The following AGAP2 variants were observed in gnomAD, a reference collection of about 807,000 sequenced individuals.
AGAP2 encodes ArfGAP with GTPase domain, ankyrin repeat and PH domain 2.
AGAP2 carries 32 observed loss-of-function variants against 110.9 expected under a neutral mutation model. The observed-to-expected ratio is 0.29, with a 90% CI of 0.22 to 0.39. The LOEUF (loss-of-function observed/expected upper bound fraction) is 0.39. Ranked by LOEUF, AGAP2 falls within the 10% of genes least tolerant of loss-of-function variation. AGAP2 has a pLI of 1.00. For missense variants in AGAP2, 1,285 were observed against 1,638.5 expected, an observed-to-expected ratio of 0.78 and a Z score of 3.72; for synonymous variants, 702 against 713.0, an observed-to-expected ratio of 0.98 and a Z score of 0.25.
At chr12:57,729,789 G>A (rs1312226822) in intron 12 of AGAP2, 22 bp from the exon 13 acceptor site, 1 of 1,585,652 alleles carries the variant, frequency 6.3e-7, no homozygotes, top group Admixed American at 1.8e-5. Context: ...AGACACAGCT[G>A]CCTCAGTAGC....
upstream of AGAP2, chr12:57,742,070 A>T: frequency 6.2e-7 from 1 of 1,613,906 alleles, no homozygotes; most frequent in Non-Finnish European, 8.5e-7. Flanking sequence ...CTGGGCATGC[A>T]TGTTGCCCAG....
chr12:57,741,145 G>A (rs751854616), upstream of AGAP2, among the ~76,000 whole-genome samples: 1 of 152,212 alleles, frequency 6.6e-6, no homozygotes, highest in East Asian at 1.9e-4. Flanking sequence ...CTTGTGGATG[G>A]AGAGAAGCTG....
chr12:57,731,108 G>A (rs1954876876), intron 10 of AGAP2, among the ~76,000 whole-genome samples, 155 bp from the exon 11 acceptor site: 1 of 152,156 alleles, frequency 6.6e-6, no homozygotes, highest in South Asian at 2.1e-4. Flanking sequence ...CATCAGACTT[G>A]GCCCAGCAAT....
Position 57,730,861 on chromosome 12 carries a change from G to A in AGAP2, c.2238C>T (p.Ala746=), listed in dbSNP as rs1013532515. Residue 746 remains alanine (A), a synonymous_variant, in exon 11 of 19, where the codon GCC becomes GCT. Coordinates refer to ENST00000547588, the MANE Select transcript of AGAP2 (RefSeq NM_001122772.3). ...PGKRPPRAIS[A]FGPSASINGL... The stretch of plus-strand genomic sequence containing the variant: ...CGTTAATGCTGGCTGAGGGGCCAAA[G>A]GCAGAGATGGCCCTCGGGGGCCGCT... 6.8e-6 allele frequency: 11 copies of A among 1,613,448 alleles called. No homozygotes were observed. In the African/African-American group the frequency reaches 1.1e-4, roughly 16 times the overall value.
In AGAP2 at chr12:57,726,828, C is replaced by G; in HGVS notation, c.3337-34G>C. On this transcript the variant is annotated intron_variant, in intron 18 of 18. Transcript: ENST00000547588. This position sits in a 1 kb window ranked among gnomAD's most constrained non-coding sequence, Gnocchi z 5.7. ...CGGAAACGGCCGCGTGACCGCGCGT[C>G]CCCAGGGCGCCCACACCCGGCGCCG... is the stretch of plus-strand genomic sequence containing the variant. The G allele has an allele frequency of 1.4e-6, 2 of 1,432,418 alleles. No individual in the cohort carries two copies. The highest frequency in any genetic ancestry group is 1.8e-6 in the Non-Finnish European group (2 of 1,098,170). 88.7% of individuals were successfully genotyped at this position (1,432,418 alleles called of 1,614,324 possible).
chr12:57,741,044 G>T (rs1215966126), upstream of AGAP2, among the ~76,000 whole-genome samples: 1 of 152,252 alleles, frequency 6.6e-6, no homozygotes, highest in Non-Finnish European at 1.5e-5. Context: ...AAAGAAGGCT[G>T]CTTTTGTTAG....
upstream of AGAP2, chr12:57,741,799 C>A (rs567613143): frequency 4.0e-6 from 5 of 1,248,586 alleles, no homozygotes; most frequent in African/African-American, 7.5e-5. Flanking sequence ...CCCAGAGTCC[C>A]ATCTTGGGGA....
rs1955030176 is a variant in AGAP2 at position 57,738,274 on chromosome 12, G to A, written c.-28C>T. On this transcript the variant is annotated 5_prime_UTR_variant, in exon 1 of 19. Coordinates refer to ENST00000547588, the MANE Select transcript of AGAP2 (RefSeq NM_001122772.3). This position sits in a 1 kb window ranked among gnomAD's most constrained non-coding sequence, Gnocchi z 6.7. ...GGCCCGGAGACCCCCGAGCTGGGGAGGGGAGGGGACTCCCCCGGACTGCCT... is the reference window on the plus strand; with the variant it reads ...GGCCCGGAGACCCCCGAGCTGGGGAAGGGAGGGGACTCCCCCGGACTGCCT... 1 of 1,489,560 alleles carries A rather than the reference G, an allele frequency of 6.7e-7. No individual in the cohort carries two copies. Among genetic ancestry groups the A allele is most frequent in the African/African-American group, 1.5e-5 (1 of 68,376 alleles). The allele number at this position is 1,489,560 out of a possible 1,614,324, so 92.3% of individuals were successfully genotyped here.
chr12:57,735,270 A>C, intron 2 of AGAP2, 99 bp downstream of exon 2: 1 of 530,242 alleles, frequency 1.9e-6, no homozygotes, highest in Non-Finnish European at 2.9e-6. Flanking sequence ...CTATTCCCAA[A>C]GAGAGAGAGA....
chr12:57,731,996 C>T (rs776753683), intron 7 of AGAP2, 29 bp from the exon 8 acceptor site: 1 of 1,608,586 alleles, frequency 6.2e-7, no homozygotes, highest in Non-Finnish European at 8.5e-7. Context: ...GTCAGCAGAG[C>T]TGAGATGCCC....
chr12:57,726,597 G>T lies in AGAP2; in HGVS notation c.3534C>A (p.Ser1178Arg). ...TATPSPRRRSSAASVGRADAP... is the reference protein window; with the variant it reads ...TATPSPRRRSRAASVGRADAP... Reference sequence around the variant, plus strand: ...CGTCGGCGCGGCCCACGCTAGCGGCGCTGCTCCGGCGGCGGGGGCTGGGCG... The same window carrying T: ...CGTCGGCGCGGCCCACGCTAGCGGCTCTGCTCCGGCGGCGGGGGCTGGGCG... The change falls in exon 19 of 19, where the codon AGC (serine) becomes AGA (arginine). Residue 1178 changes from serine (S) to arginine (R), a missense_variant. Around this residue, in one of 7 missense-constraint regions of AGAP2, gnomAD observed 201 missense variants for 276.1 expected, o/e 0.73. Transcript: ENST00000547588. This position sits in a 1 kb window ranked among gnomAD's most constrained non-coding sequence, Gnocchi z 5.7. The T allele has an allele frequency of 8.3e-7, 1 of 1,203,114 alleles. No homozygotes were observed. The highest frequency in any genetic ancestry group is 1.6e-5 in the African/African-American group (1 of 63,256). 74.5% of individuals were successfully genotyped at this position (1,203,114 alleles called of 1,614,324 possible). A position where few individuals can be genotyped will look rare whatever the true frequency, so the allele number is the denominator to read the frequency against.
chr12:57,739,532 G>A (rs1488528444), upstream of AGAP2, among the ~76,000 whole-genome samples: 2 of 152,170 alleles, frequency 1.3e-5, no homozygotes, highest in Non-Finnish European at 2.9e-5. Context: ...CCAGGCCACA[G>A]GGTAAGTCAA....
At chr12:57,732,630 G>T in intron 6 of AGAP2, 118 bp from the exon 7 acceptor site, 1 of 1,279,650 alleles carries the variant, frequency 7.8e-7, no homozygotes, top group Non-Finnish European at 1.1e-6. Flanking sequence ...TTGTCACTGT[G>T]GCCTCCATGC....
At position 57,729,720 on chromosome 12, in the gene AGAP2, G is replaced by C; in HGVS notation, c.2476C>G (p.Pro826Ala). The change falls in exon 13 of 19, where the codon CCT becomes GCT. Residue 826 changes from proline to alanine, a missense_variant. This residue lies in a region of AGAP2 where 135 missense variants were observed against 182.0 expected (regional missense o/e 0.74). Coordinates refer to ENST00000547588, the MANE Select transcript of AGAP2 (RefSeq NM_001122772.3). The part of the protein sequence containing the change: ...DLSPLSREPP[P>A]SPMVKKQRRK... ...CTCTGCTTCTTCACCATGGGAGAAG[G>C]AGGGGGTTCCCGACTCAGGGGGCTC... The C allele has an allele frequency of 1.9e-6, 3 of 1,613,876 alleles. No homozygotes were observed. The highest frequency in any genetic ancestry group is 1.1e-5 in the South Asian group (1 of 91,060).
chr12:57,731,780 A>G lies in AGAP2; in HGVS notation c.1953+29T>C, dbSNP rs1330243183. ...TGGGCAGGTCATGGGGGACAGGAGG[A>G]TGGGGGTCAGCATGTCCATGTCCAA... On this transcript the variant is annotated intron_variant, in intron 8 of 18. Transcript: ENST00000547588. 5 of 1,556,566 alleles carry G rather than the reference A, an allele frequency of 3.2e-6. No homozygotes were observed. The African/African-American group carries it at 4.1e-5, about 13-fold the overall frequency.
At chr12:57,737,000 C>T in intron 1 of AGAP2, 79 bp downstream of exon 1, 1 of 1,446,556 alleles carries the variant, frequency 6.9e-7, no homozygotes, top group South Asian at 1.5e-5. Context: ...CCCTAGTTTC[C>T]TGGACCTCGC....
chr12:57,732,693 G>C, intron 6 of AGAP2, 152 bp downstream of exon 6: 1 of 1,441,190 alleles, frequency 6.9e-7, no homozygotes, highest in Non-Finnish European at 9.4e-7. Flanking sequence ...CGACTATTAA[G>C]CAAACCTTCT....
At chr12:57,739,237 C>T (rs1045979845), upstream of AGAP2, among the ~76,000 whole-genome samples, 5 of 152,288 alleles carry the variant, frequency 3.3e-5, no homozygotes, top group East Asian at 3.9e-4. Context: ...GTAAACAGAG[C>T]AAACCCAGGG....
Position 57,726,395 on chromosome 12 carries a change from TG to T in AGAP2, c.*156del. On this transcript the variant is annotated 3_prime_UTR_variant, in exon 19 of 19. Coordinates refer to ENST00000547588, the MANE Select transcript of AGAP2 (RefSeq NM_001122772.3). The surrounding 1 kb of genome is among the most constrained non-coding windows in gnomAD (Gnocchi z 5.7). Reference sequence around the variant, plus strand: ...GAGAGGGAGGTGAGTTTGTGTCTTCTGGAAGGCGTGGGGGCTGTGCCCTCGT... The same window carrying T: ...GAGAGGGAGGTGAGTTTGTGTCTTCTGAAGGCGTGGGGGCTGTGCCCTCGT... 4 of 673,160 alleles carry T rather than the reference TG, an allele frequency of 5.9e-6. No individual in the cohort carries two copies. Among genetic ancestry groups the T allele is most frequent in the South Asian group, 1.5e-4 (2 of 13,774 alleles). 41.7% of individuals were successfully genotyped at this position (673,160 alleles called of 1,614,324 possible).
Sources: allele counts gnomAD v4.1 joint callset (sites outside exome capture counted in the v4.1 genomes callset), GRCh38; gene constraint gnomAD v4.1.1; regional missense constraint gnomAD v4.1.1; non-coding constraint Gnocchi (gnomAD v3.1); transcripts MANE v1.5; gene names NCBI Gene and HGNC (gene_info 2026-07-23, HGNC 2026-07-21).